The following GNE variants were observed in gnomAD, a reference collection of about 807,000 sequenced individuals.
The protein encoded by GNE is bifunctional UDP-N-acetylglucosamine 2-epimerase/N-acetylmannosamine kinase.
In GNE, 41 loss-of-function variants were observed where a neutral mutation model predicts 61.8. The ratio of observed to expected loss-of-function variants is 0.66; its 90% CI spans 0.52 to 0.86. The LOEUF is 0.86. GNE is among the 40% of genes least tolerant of loss of function. The pLI is 0.00. For synonymous variants in GNE, 264 were observed against 326.4 expected (o/e 0.81, Z 2.06); for missense variants, 608 against 909.1 (o/e 0.67, Z 4.26).
At chr9:36,234,442 G>A (rs7019324) in intron 4 of GNE, among the ~76,000 whole-genome samples, 1 of 151,902 alleles carries the variant, frequency 6.6e-6, no homozygotes, top group African/African-American at 2.4e-5. Context: ...CTAAAGACAG[G>A]CCAACAGCCT....
At chr9:36,252,278 C>A (rs187295630) in intron 1 of GNE, among the ~76,000 whole-genome samples, 1 of 152,248 alleles carries the variant, frequency 6.6e-6, no homozygotes, top group South Asian at 2.1e-4. Flanking sequence ...AGCCACCGCA[C>A]GTGGCCGCAC....
chr9:36,249,379 G>A lies in GNE; in HGVS notation c.-24C>T. The A allele has an allele frequency of 6.2e-7, 1 of 1,609,982 alleles. No homozygotes were observed. Among genetic ancestry groups the A allele is most frequent in the Non-Finnish European group, 8.5e-7 (1 of 1,176,860 alleles). ...ATGATTTGCTTGTTTCGTTTTGAGA[G>A]GTTCTTAAAATAGAGTTCCTGAAAT... is the stretch of plus-strand genomic sequence containing the variant. On this transcript the variant is annotated 5_prime_UTR_variant, in exon 2 of 12. Transcript: ENST00000642385.
intron 1 of GNE, among the ~76,000 whole-genome samples, chr9:36,264,572 G>A (rs1172316572): frequency 6.6e-6 from 1 of 152,168 alleles, no homozygotes; most frequent in Non-Finnish European, 1.5e-5. Context: ...CTGGAGAACT[G>A]TGTCAAAAAT....
chr9:36,225,203 C>T (rs538370939), intron 7 of GNE, among the ~76,000 whole-genome samples: 3 of 152,032 alleles, frequency 2.0e-5, no homozygotes, highest in Non-Finnish European at 2.9e-5. Context: ...TAGATTACAT[C>T]GTTCCTGGTT....
intron 9 of GNE, among the ~76,000 whole-genome samples, chr9:36,220,566 GCT>G (rs1828544473): frequency 6.6e-6 from 1 of 152,108 alleles, no homozygotes; most frequent in Non-Finnish European, 1.5e-5. Flanking sequence ...CTTTCTTCCT[GCT>G]CTGTTTCATT....
In GNE at chr9:36,263,936, G is replaced by A. The variant is rs539545276; in HGVS notation, c.51+12958C>T. On this transcript the variant is annotated intron_variant, in intron 1 of 11. Coordinates refer to the GNE transcript ENST00000396594. ...AGCTCTCTGAAACATCTGGACTGGG[G>A]AATACGGAGAGGACTGGCCAGTTGG... Among the ~76,000 whole-genome samples the A allele has an allele frequency of 3.9e-5, 6 of 152,034 alleles. No individual in the cohort carries two copies. In the South Asian group the frequency reaches 1.3e-3, roughly 33 times the overall value.
At chr9:36,251,471 A>G (rs1830103258) in intron 1 of GNE, among the ~76,000 whole-genome samples, 1 of 152,182 alleles carries the variant, frequency 6.6e-6, no homozygotes. Flanking sequence ...AGAGTGCAGT[A>G]GCTATTCACA....
chr9:36,258,577 C>G (rs191377951), upstream of GNE: 952 of 919,840 alleles, frequency 1.0e-3, 32 homozygotes, highest in Admixed American at 0.051. Flanking sequence ...GTCCCCGTCC[C>G]CCACCTTCCC....
upstream of GNE, among the ~76,000 whole-genome samples, chr9:36,258,706 T>G (rs947718152): frequency 3.3e-5 from 5 of 152,236 alleles, no homozygotes; most frequent in Non-Finnish European, 7.3e-5. Flanking sequence ...CGAAGCGTCC[T>G]CCTCCACTGG....
intron 1 of GNE, among the ~76,000 whole-genome samples, chr9:36,249,936 A>G (rs958889840): frequency 2.6e-5 from 4 of 152,048 alleles, no homozygotes; most frequent in Non-Finnish European, 5.9e-5. Context: ...ACACCACCCC[A>G]TCCTCTCACA....
At chr9:36,253,327 G>C (rs1830191902) in intron 1 of GNE, among the ~76,000 whole-genome samples, 1 of 150,184 alleles carries the variant, frequency 6.7e-6, no homozygotes. Flanking sequence ...CCAGGCTAGA[G>C]TGCAGTGACA....
At chr9:36,232,647 T>G (rs1829224675) in intron 5 of GNE, among the ~76,000 whole-genome samples, 1 of 152,220 alleles carries the variant, frequency 6.6e-6, no homozygotes, top group Non-Finnish European at 1.5e-5. Flanking sequence ...GATTTCAGCT[T>G]AGGTGTCATC....
intron 1 of GNE, among the ~76,000 whole-genome samples, chr9:36,255,941 T>A (rs376597592): frequency 1.3e-5 from 2 of 152,208 alleles, no homozygotes; most frequent in African/African-American, 4.8e-5. Flanking sequence ...GTTTTTGTTT[T>A]TGAGACAGGG....
chr9:36,217,370 A>C lies in GNE; in HGVS notation c.2164T>G (p.Tyr722Asp), dbSNP rs1828365514. The C allele has an allele frequency of 1.2e-6, 2 of 1,608,282 alleles. No individual in the cohort carries two copies. Among genetic ancestry groups the C allele is most frequent in the Non-Finnish European group, 1.7e-6 (2 of 1,174,952 alleles). Residue 722 changes from tyrosine (Y) to aspartate (D), a missense_variant, in exon 12 of 12, where the codon TAC becomes GAC. Tyr to Asp is a radical substitution (Grantham distance 160, BLOSUM62 -3). Coordinates refer to ENST00000642385, the MANE Select transcript of GNE (RefSeq NM_005476.7). Reference protein sequence around the residue: ...MVLDYTTRRIY With the variant: ...MVLDYTTRRID Reference sequence around the variant, plus strand: ...CCATGTCTGTTCCTGGAGGTCTAGTAGATCCTGCGTGTTGTGTAGTCCAGA... The same window carrying C: ...CCATGTCTGTTCCTGGAGGTCTAGTCGATCCTGCGTGTTGTGTAGTCCAGA...
upstream of GNE, among the ~76,000 whole-genome samples, chr9:36,262,360 C>G (rs1830639396): frequency 6.6e-6 from 1 of 152,064 alleles, no homozygotes; most frequent in African/African-American, 2.4e-5. Flanking sequence ...GAATTTTCTT[C>G]TCTGCTTTCT....
upstream of GNE, among the ~76,000 whole-genome samples, chr9:36,260,891 A>AAC (rs1314111810): frequency 7.3e-5 from 11 of 151,010 alleles, 1 homozygote; most frequent in African/African-American, 9.7e-5. Context: ...AAAAAAAAAA[A>AAC]AAAAAAAAAC....
At chr9:36,247,615 C>T (rs1410967555) in intron 2 of GNE, among the ~76,000 whole-genome samples, 1 of 152,130 alleles carries the variant, frequency 6.6e-6, no homozygotes, top group Non-Finnish European at 1.5e-5. Flanking sequence ...ACTAGTCTTC[C>T]TGTCAAAGCT....
upstream of GNE, among the ~76,000 whole-genome samples, chr9:36,260,793 T>G (rs369096860): frequency 1.5e-5 from 2 of 136,426 alleles, no homozygotes. Context: ...GGCGTGAACC[T>G]GGGAGGCGGA....
intron 4 of GNE, among the ~76,000 whole-genome samples, chr9:36,235,259 AG>A (rs757332443): frequency 4.6e-5 from 7 of 152,186 alleles, no homozygotes; most frequent in Non-Finnish European, 8.8e-5. Context: ...TACTATTCCA[AG>A]ATTCAGGTTT....
Sources: allele counts gnomAD v4.1 joint callset (sites outside exome capture counted in the v4.1 genomes callset), GRCh38; gene constraint gnomAD v4.1.1; transcripts MANE v1.5; gene names NCBI Gene and HGNC (gene_info 2026-07-23, HGNC 2026-07-21).